The following PARD3 variants were observed in gnomAD, a reference collection of about 807,000 sequenced individuals.
PARD3 encodes par-3 family cell polarity regulator.
PARD3 carries 75 observed loss-of-function variants against 155.4 expected under a neutral mutation model. The ratio of observed to expected loss-of-function variants is 0.48; its 90% CI spans 0.40 to 0.58. The LOEUF is 0.58. Among genes scored for constraint, PARD3 ranks in the 20% least tolerant of loss-of-function variants. The pLI is 0.00. For missense variants in PARD3, 1,642 were observed against 1,721.7 expected, an observed-to-expected ratio of 0.95 and a Z score of 0.82; for synonymous variants, 576 against 610.5, an observed-to-expected ratio of 0.94 and a Z score of 0.83.
intron 22 of PARD3, among the ~76,000 whole-genome samples, chr10:34,150,366 G>A (rs541300201): frequency 2.0e-5 from 3 of 152,340 alleles, no homozygotes; most frequent in Admixed American, 1.3e-4. Flanking sequence ...TGTAATGTAA[G>A]TCATGGAAGT....
chr10:34,688,240 A>C (rs2093985699), intron 2 of PARD3, among the ~76,000 whole-genome samples: 1 of 152,162 alleles, frequency 6.6e-6, no homozygotes, highest in South Asian at 2.1e-4. Flanking sequence ...ATTCTGTGAT[A>C]AATTTGGAAA....
chr10:34,700,153 T>C lies in PARD3; in HGVS notation c.121-3734A>G, dbSNP rs1295010026. Among the ~76,000 whole-genome samples the C allele has an allele frequency of 2.6e-5, 4 of 152,146 alleles. No homozygotes were observed. In the South Asian group the frequency reaches 8.3e-4, roughly 32 times the overall value. ...ATCAAATAGATGATCAAGCAGTGAA[T>C]GTCCTCATGGGGCAAGGCTCCCAAG... On this transcript the variant is annotated intron_variant, in intron 1 of 24. Transcript: ENST00000374788.
At chr10:34,300,524 C>T (rs1015114891) in intron 20 of PARD3, among the ~76,000 whole-genome samples, 7 of 151,998 alleles carry the variant, frequency 4.6e-5, no homozygotes, top group African/African-American at 1.5e-4. Context: ...ATGTGCATGC[C>T]TGTGGTCCCA....
intron 22 of PARD3, among the ~76,000 whole-genome samples, chr10:34,132,292 A>G (rs186065546): frequency 5.8e-4 from 88 of 152,304 alleles, no homozygotes; most frequent in African/African-American, 1.9e-3. Flanking sequence ...CTTATAAGAT[A>G]GGTGCAGAAG....
At chr10:34,267,959 T>G (rs1013616150) in intron 22 of PARD3, among the ~76,000 whole-genome samples, 2 of 152,204 alleles carry the variant, frequency 1.3e-5, no homozygotes, top group African/African-American at 2.4e-5. Context: ...AACCTGCTAT[T>G]CATAATGTTC....
chr10:34,251,872 G>T (rs923378632), intron 22 of PARD3, among the ~76,000 whole-genome samples: 2 of 152,140 alleles, frequency 1.3e-5, no homozygotes, highest in African/African-American at 2.4e-5. Flanking sequence ...CTGTGCTGAT[G>T]AGGAGTTTGG....
At chr10:34,274,272 T>G (rs1280256237) in intron 21 of PARD3, among the ~76,000 whole-genome samples, 1 of 152,172 alleles carries the variant, frequency 6.6e-6, no homozygotes, top group African/African-American at 2.4e-5. Context: ...GTTTTTAAAT[T>G]TTTACGCCAT....
chr10:34,167,372 C>G (rs34928212), intron 22 of PARD3, among the ~76,000 whole-genome samples: 4,116 of 152,192 alleles, frequency 0.027, 79 homozygotes, highest in Non-Finnish European at 0.04. Context: ...GCATGCTACA[C>G]CATACACAAT....
chr10:34,676,801 C>A (rs2093716418), intron 2 of PARD3, among the ~76,000 whole-genome samples: 2 of 152,144 alleles, frequency 1.3e-5, no homozygotes, highest in Admixed American at 1.3e-4. Context: ...CTTAGGCCAC[C>A]ACCCTCAGGT....
At chr10:34,344,063 A>G in intron 15 of PARD3, 1 of 946,672 alleles carries the variant, frequency 1.1e-6, no homozygotes, top group South Asian at 4.9e-5. Flanking sequence ...CATATATATG[A>G]ATATACAAAC....
At chr10:34,425,620 C>G in intron 5 of PARD3, among the ~76,000 whole-genome samples, 1 of 152,104 alleles carries the variant, frequency 6.6e-6, no homozygotes, top group East Asian at 1.9e-4. Context: ...TTGTCTTGAA[C>G]TCCTGGGCTC....
At chr10:34,477,288 T>A (rs941785186) in intron 3 of PARD3, among the ~76,000 whole-genome samples, 2 of 152,222 alleles carry the variant, frequency 1.3e-5, no homozygotes, top group African/African-American at 4.8e-5. Context: ...TCTTCTGATT[T>A]ATTTAATATA....
rs1347609140 is a variant in PARD3 at position 34,141,632 on chromosome 10, C to T, written c.3420-10049G>A. 2.6e-5 allele frequency among the ~76,000 whole-genome samples: 4 copies of T among 152,172 alleles called. No individual in the cohort carries two copies. In the East Asian group the frequency reaches 5.8e-4, roughly 22 times the overall value. On this transcript the variant is annotated intron_variant, in intron 22 of 24. Coordinates refer to ENST00000374788, the MANE Select transcript of PARD3 (RefSeq NM_001184785.2). The stretch of plus-strand genomic sequence containing the variant: ...ACTATCATTTTATAAGCAACAAAAC[C>T]TCAGGAATGTACCCCTCGCCCTATT...
intron 12 of PARD3, among the ~76,000 whole-genome samples, chr10:34,371,689 C>A (rs1256223474): frequency 6.6e-6 from 1 of 151,720 alleles, no homozygotes; most frequent in African/African-American, 2.4e-5. Context: ...ATTGACATTA[C>A]CTACTATGGA....
intron 2 of PARD3, among the ~76,000 whole-genome samples, chr10:34,539,195 A>G (rs1414891294): frequency 6.6e-6 from 1 of 152,196 alleles, no homozygotes. Context: ...TCTAACATCC[A>G]GCCATAATGA....
chr10:34,410,829 G>A (rs1312418694), intron 5 of PARD3, among the ~76,000 whole-genome samples: 1 of 152,170 alleles, frequency 6.6e-6, no homozygotes, highest in Non-Finnish European at 1.5e-5. Flanking sequence ...GCCAAGGGGA[G>A]TGAGTCTTGC....
At chr10:34,741,606 A>G (rs145983908) in intron 1 of PARD3, among the ~76,000 whole-genome samples, 5 of 152,356 alleles carry the variant, frequency 3.3e-5, no homozygotes, top group East Asian at 3.9e-4. Flanking sequence ...AGAGGAGCGC[A>G]GCCATCTACA....
At chr10:34,146,675 T>C (rs1477102204) in intron 22 of PARD3, among the ~76,000 whole-genome samples, 1 of 152,234 alleles carries the variant, frequency 6.6e-6, no homozygotes, top group Non-Finnish European at 1.5e-5. Flanking sequence ...TTTAATCCTC[T>C]GTTTCAATCT....
At chr10:34,364,725 T>C (rs983809876) in intron 12 of PARD3, among the ~76,000 whole-genome samples, 2 of 152,174 alleles carry the variant, frequency 1.3e-5, no homozygotes. Context: ...AGAGCCACCA[T>C]GCCCAGCTGA....
Sources: allele counts gnomAD v4.1 joint callset (sites outside exome capture counted in the v4.1 genomes callset), GRCh38; gene constraint gnomAD v4.1.1; transcripts MANE v1.5; gene names NCBI Gene and HGNC (gene_info 2026-07-23, HGNC 2026-07-21).